The following OR51M1 variants were observed in gnomAD, a reference collection of about 807,000 sequenced individuals.
OR51M1 encodes olfactory receptor family 51 subfamily M member 1, also known as olfactory receptor 51M1.
For synonymous variants in OR51M1, 199 were observed against 155.1 expected (o/e 1.28, Z -2.10); for missense variants, 509 against 404.4 (o/e 1.26, Z -2.22).
intron 2 of OR51M1, among the ~76,000 whole-genome samples, chr11:5,387,825 TATAAAATG>T (rs1849722424): frequency 6.6e-6 from 1 of 152,210 alleles, no homozygotes; most frequent in Non-Finnish European, 1.5e-5. Flanking sequence ...GACTACCCTA[TATAAAATG>T]CATCACTCTT....
At chr11:5,388,591 C>G (rs559916125) in intron 2 of OR51M1, among the ~76,000 whole-genome samples, 178 of 148,548 alleles carry the variant, frequency 1.2e-3, no homozygotes, top group African/African-American at 4.1e-3. Context: ...GTCATTAACA[C>G]CGTGAATATA....
At position 5,390,197 on chromosome 11, in the gene OR51M1, A is replaced by G. The variant is rs764811393; in HGVS notation, c.799A>G (p.Met267Val). Residue 267 changes from methionine (M) to valine (V), a missense_variant, in exon 3 of 3, where the codon ATG (methionine) becomes GTG (valine). Met to Val is a conservative substitution (Grantham distance 21). Transcript: ENST00000642046. ...LCAVLVFFVP[M>V]MGLSLVHRFG... is the part of the protein sequence containing the mutation. ...TGCTGTGCTAGTATTCTTTGTGCCC[A>G]TGATGGGGCTGTCCCTGGTGCACCG... The G allele has an allele frequency of 1.9e-6, 3 of 1,614,026 alleles. No individual in the cohort carries two copies. The highest frequency in any genetic ancestry group is 1.1e-5 in the South Asian group (1 of 91,084).
chr11:5,385,758 TATAA>T (rs1029975308), intron 2 of OR51M1, among the ~76,000 whole-genome samples: 60 of 149,266 alleles, frequency 4.0e-4, no homozygotes, highest in Admixed American at 1.3e-3. Context: ...TGTTTACATA[TATAA>T]ATATACAGAC....
intron 2 of OR51M1, among the ~76,000 whole-genome samples, chr11:5,387,230 TAG>T (rs964757469): frequency 3.0e-4 from 46 of 152,130 alleles, no homozygotes; most frequent in African/African-American, 1.1e-3. Flanking sequence ...TAAGAATTTC[TAG>T]AGAGAGCTCT....
intron 2 of OR51M1, among the ~76,000 whole-genome samples, chr11:5,388,614 G>T (rs1849739740): frequency 6.7e-6 from 1 of 150,008 alleles, no homozygotes; most frequent in Non-Finnish European, 1.5e-5. Flanking sequence ...GAGGAAATTA[G>T]GATAGATAAG....
chr11:5,389,470 C>T lies in OR51M1; in HGVS notation c.72C>T (p.Phe24=), dbSNP rs1284664478. 1.2e-6 allele frequency: 2 copies of T among 1,613,958 alleles called. No individual in the cohort carries two copies. The highest frequency in any genetic ancestry group is 2.2e-5 in the South Asian group (2 of 91,082). ...ACATTACTCAGTTTAGCCCCATATT[C>T]TATCTCACCAGCTTTCCTGGATTGG... ...LSNITQFSPI[F]YLTSFPGLEG... The change falls in exon 3 of 3, where the codon TTC becomes TTT. Residue 24 remains phenylalanine, a synonymous_variant. Coordinates refer to ENST00000642046, the MANE Select transcript of OR51M1 (RefSeq NM_001004756.3).
chr11:5,389,035 T>C (rs1849747917), intron 2 of OR51M1, among the ~76,000 whole-genome samples: 1 of 152,156 alleles, frequency 6.6e-6, no homozygotes, highest in Non-Finnish European at 1.5e-5. Flanking sequence ...ATATTTGTTA[T>C]TTATCAATAT....
chr11:5,387,435 A>T (rs1045349774), intron 2 of OR51M1, among the ~76,000 whole-genome samples: 2 of 152,172 alleles, frequency 1.3e-5, no homozygotes, highest in African/African-American at 4.8e-5. Flanking sequence ...GAAGTAAAGA[A>T]ATGGAAAAGA....
chr11:5,388,940 T>A (rs1003447026), intron 2 of OR51M1, among the ~76,000 whole-genome samples: 3 of 152,144 alleles, frequency 2.0e-5, no homozygotes, highest in African/African-American at 7.2e-5. Context: ...ACATGACATT[T>A]GACTTGAGCC....
Position 5,393,146 on chromosome 11 carries a change from T to C in OR51M1, c.*2767T>C, listed in dbSNP as rs1211995685. Reference sequence around the variant, plus strand: ...AGGATGTAAGCTGTTTGTGGCAAAATTTTTTTCCTGTTTGCTCACAGTTCT... The same window carrying C: ...AGGATGTAAGCTGTTTGTGGCAAAACTTTTTTCCTGTTTGCTCACAGTTCT... On this transcript the variant is annotated 3_prime_UTR_variant, in exon 3 of 3. Coordinates refer to ENST00000642046, the MANE Select transcript of OR51M1 (RefSeq NM_001004756.3). 1.3e-5 allele frequency: 2 copies of C among 152,144 alleles called. No individual in the cohort carries two copies. Among genetic ancestry groups the C allele is most frequent in the Non-Finnish European group, 2.9e-5 (2 of 68,004 alleles). 9.4% of individuals were successfully genotyped at this position (152,144 alleles called of 1,614,324 possible). A position where few individuals can be genotyped will look rare whatever the true frequency, so the allele number is the denominator to read the frequency against.
At position 5,392,479 on chromosome 11, in the gene OR51M1, C is replaced by T. The variant is rs967617067; in HGVS notation, c.*2100C>T. 6.6e-6 allele frequency: 1 copy of T among 152,202 alleles called. No individual in the cohort carries two copies. Among genetic ancestry groups the T allele is most frequent in the Admixed American group, 6.5e-5 (1 of 15,288 alleles). The allele number at this position is 152,202 out of a possible 1,614,324, so 9.4% of individuals were successfully genotyped here. ...TTGCCTCTTATTAACAAATAGACCA[C>T]TGACATCTAAATTTCATTTTCAAAT... On this transcript the variant is annotated 3_prime_UTR_variant, in exon 3 of 3. Coordinates refer to ENST00000642046, the MANE Select transcript of OR51M1 (RefSeq NM_001004756.3).
In OR51M1 at chr11:5,389,959, C is replaced by T. The variant is rs1449339537; in HGVS notation, c.561C>T (p.Ser187=). 8 of 1,611,574 alleles carry T rather than the reference C, an allele frequency of 5.0e-6. No homozygotes were observed. Among genetic ancestry groups the T allele is most frequent in the South Asian group, 1.1e-5 (1 of 91,086 alleles). ...CCTACTGTGGATCTGTGGTCCTCTCCCACTCATTTTGCCTGCACCAGGAAG... is the reference window on the plus strand; with the variant it reads ...CCTACTGTGGATCTGTGGTCCTCTCTCACTCATTTTGCCTGCACCAGGAAG... ...AFPYCGSVVL[S]HSFCLHQEVI... Residue 187 remains serine, a synonymous_variant, in exon 3 of 3, where the codon TCC becomes TCT. Transcript: ENST00000642046.
rs1849765597 is a variant in OR51M1, at chr11:5,389,856, T to G, written c.458T>G (p.Val153Gly). The G allele has an allele frequency of 7.4e-6, 12 of 1,613,802 alleles. No homozygotes were observed. Among genetic ancestry groups the G allele is most frequent in the African/African-American group, 1.3e-5 (1 of 75,046 alleles). The change falls in exon 3 of 3, where the codon GTG (valine) becomes GGG (glycine). Residue 153 changes from valine to glycine, a missense_variant. Val to Gly is a moderately radical substitution (Grantham distance 109). Transcript: ENST00000642046. The part of the protein sequence containing the change: ...RYSVIITGQQ[V>G]VRAGLIVIFR... ...TCGGTCATTATCACTGGCCAGCAAGTGGTCAGAGCAGGCCTAATTGTCATC... is the reference window on the plus strand; with the variant it reads ...TCGGTCATTATCACTGGCCAGCAAGGGGTCAGAGCAGGCCTAATTGTCATC...
intron 2 of OR51M1, among the ~76,000 whole-genome samples, chr11:5,386,976 T>C (rs1849704305): frequency 1.3e-5 from 2 of 152,102 alleles, no homozygotes; most frequent in Admixed American, 6.6e-5. Flanking sequence ...TCAGTATCCT[T>C]TTGGAAACAC....
rs1020121374 is a variant in OR51M1, at chr11:5,392,458, C to G, written c.*2079C>G. On this transcript the variant is annotated 3_prime_UTR_variant, in exon 3 of 3. Transcript: ENST00000642046. ...GATTAGCACTGAAGTCCCATTTTGC[C>G]TCTTATTAACAAATAGACCACTGAC... is the stretch of plus-strand genomic sequence containing the variant. 1 of 152,186 alleles carries G rather than the reference C, an allele frequency of 6.6e-6. No individual in the cohort carries two copies. The highest frequency in any genetic ancestry group is 1.9e-4 in the East Asian group (1 of 5,198). The allele number at this position is 152,186 out of a possible 1,614,324, so 9.4% of individuals were successfully genotyped here.
chr11:5,387,492 A>G (rs1849714635), intron 2 of OR51M1, among the ~76,000 whole-genome samples: 1 of 151,914 alleles, frequency 6.6e-6, no homozygotes, highest in South Asian at 2.1e-4. Flanking sequence ...TGTAAGCCTT[A>G]TATCCATGCA....
rs1849773171 is a variant in OR51M1 at position 5,390,173 on chromosome 11, G to C, written c.775G>C (p.Ala259Pro). 1 of 1,613,824 alleles carries C rather than the reference G, an allele frequency of 6.2e-7. No homozygotes were observed. The highest frequency in any genetic ancestry group is 1.3e-5 in the African/African-American group (1 of 74,930). Reference protein sequence around the residue: ...AFQTCTAPLCAVLVFFVPMMG... With the variant: ...AFQTCTAPLCPVLVFFVPMMG... Reference sequence around the variant, plus strand: ...TCAGACATGCACCGCTCCTCTCTGTGCTGTGCTAGTATTCTTTGTGCCCAT... The same window carrying C: ...TCAGACATGCACCGCTCCTCTCTGTCCTGTGCTAGTATTCTTTGTGCCCAT... Residue 259 changes from alanine (A) to proline (P), a missense_variant, in exon 3 of 3, where the codon GCT becomes CCT. Ala to Pro is a conservative substitution (Grantham distance 27, BLOSUM62 -1). Coordinates refer to ENST00000642046, the MANE Select transcript of OR51M1 (RefSeq NM_001004756.3).
intron 2 of OR51M1, among the ~76,000 whole-genome samples, chr11:5,386,411 C>G (rs1849695836): frequency 6.6e-6 from 1 of 152,100 alleles, no homozygotes; most frequent in African/African-American, 2.4e-5. Flanking sequence ...GATTGTTTAC[C>G]TTTTTGTAGT....
intron 1 of OR51M1, among the ~76,000 whole-genome samples, chr11:5,384,299 G>T (rs1294216050): frequency 6.6e-6 from 1 of 152,130 alleles, no homozygotes; most frequent in African/African-American, 2.4e-5. Flanking sequence ...ATTCTTCCAA[G>T]TTGCCAGGAT....
Sources: gnomAD v4.1 joint callset for allele counts (sites outside exome capture counted in the v4.1 genomes callset) on GRCh38, gnomAD v4.1.1 for gene constraint, MANE v1.5 for transcripts, NCBI Gene and HGNC (gene_info 2026-07-23, HGNC 2026-07-21) for gene names.